The following MAP4K4 variants were observed in gnomAD, a reference collection of about 807,000 sequenced individuals.
MAP4K4 encodes HPK/GCK-like kinase HGK.
A neutral mutation model predicts 189.6 loss-of-function variants in MAP4K4; 38 were observed. The ratio of observed to expected loss-of-function variants is 0.20; its 90% CI spans 0.15 to 0.26. The LOEUF (loss-of-function observed/expected upper bound fraction) is 0.26. Among genes scored for constraint, MAP4K4 ranks in the 10% least tolerant of loss-of-function variants. MAP4K4 has a pLI of 1.00. For synonymous variants in MAP4K4, 610 were observed against 624.3 expected (o/e 0.98, Z 0.34); for missense variants, 1,054 against 1,726.9 (o/e 0.61, Z 6.91).
intron 21 of MAP4K4, among the ~76,000 whole-genome samples, chr2:101,868,593 A>C (rs1263355629): frequency 6.6e-6 from 1 of 152,210 alleles, no homozygotes; most frequent in East Asian, 1.9e-4. Context: ...CTTTTGAACA[A>C]ATTCCACTAT....
chr2:101,856,530 A>G (rs1648308687), intron 13 of MAP4K4, among the ~76,000 whole-genome samples: 1 of 152,202 alleles, frequency 6.6e-6, no homozygotes, highest in Non-Finnish European at 1.5e-5. Context: ...GAAATTTCTT[A>G]GGAGAAATAT....
chr2:101,812,998 G>A (rs1473248968), intron 3 of MAP4K4, among the ~76,000 whole-genome samples: 12 of 152,054 alleles, frequency 7.9e-5, no homozygotes, highest in East Asian at 1.9e-4. Context: ...GCACGGTGGC[G>A]GGTGCCTGTA....
chr2:101,866,484 G>T (rs1400891216), exon 19 of MAP4K4: 1 of 1,613,688 alleles, frequency 6.2e-7, no homozygotes, highest in Admixed American at 1.7e-5. Context: ...CCCAGACCTG[G>T]CAGTGGCAGC....
chr2:101,791,797 T>C (rs1299780272), intron 3 of MAP4K4, among the ~76,000 whole-genome samples: 3 of 152,202 alleles, frequency 2.0e-5, no homozygotes, highest in Non-Finnish European at 4.4e-5. Context: ...CACTGTTGTC[T>C]CTGGACCACA....
Position 101,752,422 on chromosome 2 carries a change from G to T in MAP4K4, c.124-38298G>T, listed in dbSNP as rs187333052. On this transcript the variant is annotated intron_variant, in intron 2 of 32. Coordinates refer to ENST00000324219, the Ensembl canonical transcript of MAP4K4. ...AGGGTGGCATTATCTCAATAGAATT[G>T]GTTCATTCTTAGCTCAGGAGAAAAT... is the stretch of plus-strand genomic sequence containing the variant. 2.0e-3 allele frequency among the ~76,000 whole-genome samples: 301 copies of T among 152,202 alleles called. 5 individuals are homozygous for T. The highest frequency in any genetic ancestry group is 0.018 in the Admixed American group (282 of 15,288).
At chr2:101,739,665 T>G (rs1225173080) in intron 2 of MAP4K4, among the ~76,000 whole-genome samples, 3 of 152,262 alleles carry the variant, frequency 2.0e-5, no homozygotes, top group African/African-American at 7.2e-5. Context: ...CTCTGAAAAC[T>G]TGTTTCCTTT....
At chr2:101,765,208 G>C (rs1394229333) in intron 2 of MAP4K4, among the ~76,000 whole-genome samples, 2 of 152,172 alleles carry the variant, frequency 1.3e-5, no homozygotes, top group African/African-American at 4.8e-5. Context: ...AAGTATGTAG[G>C]GAGGAAGGGG....
At chr2:101,808,550 C>T (rs1227610811) in intron 3 of MAP4K4, among the ~76,000 whole-genome samples, 1 of 149,072 alleles carries the variant, frequency 6.7e-6, no homozygotes, top group South Asian at 2.1e-4. Context: ...CCTCACCCCC[C>T]CCCACCCCGT....
chr2:101,792,436 A>T (rs1024571886), intron 3 of MAP4K4, among the ~76,000 whole-genome samples: 1 of 152,154 alleles, frequency 6.6e-6, no homozygotes, highest in Admixed American at 6.5e-5. Flanking sequence ...CTCTAATGGA[A>T]TCTAAATGTG....
At chr2:101,777,482 G>A (rs761501070) in intron 2 of MAP4K4, among the ~76,000 whole-genome samples, 2 of 152,132 alleles carry the variant, frequency 1.3e-5, no homozygotes, top group African/African-American at 2.4e-5. Context: ...GATTAATTCC[G>A]GCTCACAAGG....
intron 3 of MAP4K4, among the ~76,000 whole-genome samples, chr2:101,805,945 A>G (rs2094887461): frequency 1.3e-5 from 2 of 152,142 alleles, no homozygotes. Flanking sequence ...CACTTGCAGC[A>G]TGTCCTCCCC....
intron 2 of MAP4K4, among the ~76,000 whole-genome samples, chr2:101,770,348 A>G (rs1357502814): frequency 6.7e-6 from 1 of 148,794 alleles, no homozygotes; most frequent in Non-Finnish European, 1.5e-5. Context: ...TCCCGAGTTC[A>G]AGTGATTCTC....
exon 30 of MAP4K4, chr2:101,887,106 C>G: frequency 1.3e-6 from 2 of 1,589,608 alleles, no homozygotes; most frequent in Non-Finnish European, 1.7e-6. Flanking sequence ...AGAATTGGTA[C>G]ATAAGCCATT....
intron 2 of MAP4K4, among the ~76,000 whole-genome samples, chr2:101,699,945 T>G (rs562604592): frequency 6.6e-6 from 1 of 152,354 alleles, no homozygotes; most frequent in Admixed American, 6.5e-5. Context: ...TGCAACTCAC[T>G]GAGTGGTTGG....
At chr2:101,742,997 A>G (rs1435637325) in intron 2 of MAP4K4, among the ~76,000 whole-genome samples, 1 of 152,216 alleles carries the variant, frequency 6.6e-6, no homozygotes, top group Non-Finnish European at 1.5e-5. Flanking sequence ...TTTACTTTAA[A>G]TAAATTACTA....
chr2:101,707,857 A>ATTT (rs55877251), intron 2 of MAP4K4, among the ~76,000 whole-genome samples: 1 of 136,270 alleles, frequency 7.3e-6, no homozygotes, highest in Non-Finnish European at 1.6e-5. Flanking sequence ...CGCCTGGCTA[A>ATTT]TTTTTTTTTT....
intron 4 of MAP4K4, 38 bp from the exon 5 acceptor site, chr2:101,825,281 A>G (rs1386949642): frequency 2.2e-6 from 3 of 1,365,370 alleles, no homozygotes; most frequent in Non-Finnish European, 3.1e-6. Context: ...AATTTCTCCA[A>G]GATATGTTGC....
intron 3 of MAP4K4, among the ~76,000 whole-genome samples, chr2:101,794,501 C>T (rs1156762774): frequency 6.6e-6 from 1 of 152,146 alleles, no homozygotes; most frequent in African/African-American, 2.4e-5. Context: ...TGAACACTCT[C>T]GGCTGTTCAC....
chr2:101,842,718 G>A, intron 11 of MAP4K4, 37 bp downstream of exon 11: 2 of 1,538,382 alleles, frequency 1.3e-6, no homozygotes, highest in Non-Finnish European at 1.8e-6. Flanking sequence ...CCTGCTTTAT[G>A]AAGGGATTAA....
Sources: gnomAD v4.1 joint callset for allele counts (sites outside exome capture counted in the v4.1 genomes callset) on GRCh38, gnomAD v4.1.1 for gene constraint, MANE v1.5 for transcripts, NCBI Gene and HGNC (gene_info 2026-07-23, HGNC 2026-07-21) for gene names.